Variants in DIAPH3 observed in about 807,000 individuals in gnomAD.
DIAPH3 encodes protein diaphanous homolog 3.
In DIAPH3, 117 loss-of-function variants were observed where a neutral mutation model predicts 144.3. That is an observed-to-expected ratio of 0.81 (90% CI 0.70 to 0.95). The LOEUF is 0.95. Ranked by LOEUF, DIAPH3 falls within the 40% of genes least tolerant of loss-of-function variation. The probability of loss-of-function intolerance (pLI) is 0.00; values close to 1 mark genes in which losing one functional copy is unlikely to be tolerated. For missense variants in DIAPH3, 1,421 were observed against 1,412.7 expected (o/e 1.01, Z -0.09); for synonymous variants, 519 against 488.9 (o/e 1.06, Z -0.81).
intron 1 of DIAPH3, among the ~76,000 whole-genome samples, chr13:60,157,504 T>C (rs1952088644): frequency 6.6e-6 from 1 of 152,256 alleles, no homozygotes; most frequent in South Asian, 2.1e-4. Flanking sequence ...ATTGTGAGCA[T>C]ATTTCATTTA....
chr13:60,012,129 T>C (rs1307904134), intron 7 of DIAPH3, among the ~76,000 whole-genome samples: 2 of 152,186 alleles, frequency 1.3e-5, no homozygotes, highest in Admixed American at 6.5e-5. Flanking sequence ...GTTGAATCTA[T>C]AACCAGCTTA....
chr13:59,986,567 C>G, intron 12 of DIAPH3, among the ~76,000 whole-genome samples: 1 of 53,186 alleles, frequency 1.9e-5, no homozygotes, highest in Non-Finnish European at 3.8e-5. Flanking sequence ...ATTTTCGCAA[C>G]CTACTCATCT....
intron 9 of DIAPH3, among the ~76,000 whole-genome samples, chr13:59,997,909 G>A (rs1008314138): frequency 9.9e-5 from 15 of 152,118 alleles, no homozygotes; most frequent in African/African-American, 3.6e-4. Flanking sequence ...ACAAGAACCA[G>A]TAAAATACTT....
intron 4 of DIAPH3, among the ~76,000 whole-genome samples, chr13:60,080,205 T>C (rs1387206754): frequency 6.6e-6 from 1 of 151,928 alleles, no homozygotes; most frequent in African/African-American, 2.4e-5. Flanking sequence ...GTTGTTACCC[T>C]TCAAACAATA....
chr13:60,110,227 T>G (rs544185992), intron 3 of DIAPH3, among the ~76,000 whole-genome samples: 1 of 152,294 alleles, frequency 6.6e-6, no homozygotes, highest in African/African-American at 2.4e-5. Flanking sequence ...AGAACAATCA[T>G]TGTAAAAATT....
Position 59,891,243 on chromosome 13 carries a change from T to C in DIAPH3, c.2368-11775A>G, listed in dbSNP as rs545494165. On this transcript the variant is annotated intron_variant, in intron 20 of 27. Coordinates refer to ENST00000400324, the MANE Select transcript of DIAPH3 (RefSeq NM_001042517.2). Reference sequence around the variant, plus strand: ...AGTGATGAATCACAAGAGACCTTTTTGCTTATAACTACAAAATGCTTTAGG... The same window carrying C: ...AGTGATGAATCACAAGAGACCTTTTCGCTTATAACTACAAAATGCTTTAGG... Among the ~76,000 whole-genome samples the C allele has an allele frequency of 5.9e-5, 9 of 152,178 alleles. No homozygotes were observed. The East Asian group carries it at 1.7e-3, about 29-fold the overall frequency.
At chr13:59,753,392 T>C (rs896669621) in intron 27 of DIAPH3, among the ~76,000 whole-genome samples, 2 of 152,196 alleles carry the variant, frequency 1.3e-5, no homozygotes, top group South Asian at 2.1e-4. Flanking sequence ...CTCCAAATAA[T>C]ATAGTAATAC....
rs938762700 is a variant in DIAPH3, at chr13:59,993,214, T to TA, written c.1015-632dup. On this transcript the variant is annotated intron_variant, in intron 9 of 27. Coordinates refer to ENST00000400324, the MANE Select transcript of DIAPH3 (RefSeq NM_001042517.2). Reference sequence around the variant, plus strand: ...ATCCTTTAATATATAGCTTAAATGATAAAAATTTTTAAATCACAAAATTTT... The same window carrying TA: ...ATCCTTTAATATATAGCTTAAATGATAAAAAATTTTTAAATCACAAAATTTT... Among the ~76,000 whole-genome samples, 39 of 151,980 alleles carry TA rather than the reference T, an allele frequency of 2.6e-4. 1 individual carries two copies. The highest frequency in any genetic ancestry group is 3.4e-3 in the Middle Eastern group (1 of 294).
chr13:59,684,342 C>T (rs1051257219), intron 27 of DIAPH3, among the ~76,000 whole-genome samples: 2 of 152,264 alleles, frequency 1.3e-5, no homozygotes, highest in Admixed American at 6.5e-5. Flanking sequence ...CAATGTTCCC[C>T]GGCTCATCTG....
intron 1 of DIAPH3, chr13:60,147,345 G>A (rs564920017): frequency 1.3e-5 from 2 of 152,242 alleles, no homozygotes; most frequent in African/African-American, 4.8e-5. Flanking sequence ...ACAAAAAAAA[G>A]GTAAATTTGT....
intron 17 of DIAPH3, among the ~76,000 whole-genome samples, chr13:59,933,158 T>C (rs1482367833): frequency 6.6e-6 from 1 of 152,212 alleles, no homozygotes; most frequent in African/African-American, 2.4e-5. Flanking sequence ...TGGCAATACC[T>C]CTGGTAAAAT....
At chr13:60,083,679 T>C (rs1020676139) in intron 4 of DIAPH3, among the ~76,000 whole-genome samples, 6 of 152,066 alleles carry the variant, frequency 3.9e-5, no homozygotes, top group Non-Finnish European at 2.9e-5. Context: ...GTGGCCCCCA[T>C]GGATCTATCA....
intron 21 of DIAPH3, among the ~76,000 whole-genome samples, chr13:59,867,214 A>C (rs1463981178): frequency 6.6e-6 from 1 of 151,632 alleles, no homozygotes; most frequent in African/African-American, 2.4e-5. Context: ...GAACTGCATG[A>C]GCCTGGGAGT....
chr13:59,982,265 T>C (rs949664753), intron 13 of DIAPH3, among the ~76,000 whole-genome samples: 5 of 151,492 alleles, frequency 3.3e-5, no homozygotes, highest in African/African-American at 1.2e-4. Flanking sequence ...TTTTATTTCC[T>C]TCTCAAGAGC....
intron 25 of DIAPH3, among the ~76,000 whole-genome samples, chr13:59,789,779 C>T (rs757082020): frequency 1.1e-4 from 16 of 152,098 alleles, no homozygotes; most frequent in Non-Finnish European, 1.8e-4. Context: ...GAAGAACTGC[C>T]ATCAAATGTT....
intron 4 of DIAPH3, among the ~76,000 whole-genome samples, chr13:60,092,517 G>A (rs564898060): frequency 1.3e-5 from 2 of 152,288 alleles, no homozygotes; most frequent in East Asian, 3.9e-4. Context: ...CAGGCGTGGT[G>A]GCAGGCGCCT....
chr13:60,062,623 G>A (rs1018205087), intron 4 of DIAPH3, among the ~76,000 whole-genome samples: 14 of 152,198 alleles, frequency 9.2e-5, no homozygotes, highest in African/African-American at 2.9e-4. Flanking sequence ...GTACTGTGAA[G>A]GAACTTGAAC....
intron 5 of DIAPH3, 94 bp downstream of exon 5, chr13:60,042,596 T>A: frequency 6.8e-7 from 1 of 1,465,698 alleles, no homozygotes; most frequent in Admixed American, 1.8e-5. Context: ...TTTGAGAAAC[T>A]GTTGAGGTTT....
intron 2 of DIAPH3, among the ~76,000 whole-genome samples, chr13:60,120,482 T>A (rs1233919721): frequency 1.3e-5 from 2 of 152,234 alleles, no homozygotes; most frequent in South Asian, 4.1e-4. Context: ...CAGAGGCTTC[T>A]TTGAAAAGAC....
Sources: allele counts gnomAD v4.1 joint callset (sites outside exome capture counted in the v4.1 genomes callset), GRCh38; gene constraint gnomAD v4.1.1; transcripts MANE v1.5; gene names NCBI Gene and HGNC (gene_info 2026-07-23, HGNC 2026-07-21).